Variants in PDE11A observed in about 807,000 individuals in gnomAD.
The protein encoded by PDE11A is dual 3',5'-cyclic-AMP and -GMP phosphodiesterase 11A.
Under a neutral mutation model 100.5 loss-of-function variants are expected in PDE11A, and 100 were observed. The observed-to-expected ratio is 1.00, with a 90% CI of 0.85 to 1.18. The LOEUF is 1.18. Among genes scored for constraint, PDE11A ranks in the 50% most tolerant of loss-of-function variants. PDE11A has a pLI of 0.00. For missense variants in PDE11A, 1,141 were observed against 1,152.6 expected (o/e 0.99, Z 0.15); for synonymous variants, 381 against 420.8 (o/e 0.91, Z 1.16).
chr2:177,738,130 C>T (rs950636494), intron 10 of PDE11A, among the ~76,000 whole-genome samples: 4 of 80,206 alleles, frequency 5.0e-5, no homozygotes, highest in Non-Finnish European at 7.0e-5. Context: ...TGTGTGAATC[C>T]GGTGCTCCAT....
intron 1 of PDE11A, among the ~76,000 whole-genome samples, chr2:178,041,010 G>A (rs2105848965): frequency 6.6e-6 from 1 of 152,140 alleles, no homozygotes. Context: ...CTCAATCATA[G>A]CTCACTGCAA....
chr2:178,076,449 T>C (rs1035980594), upstream of PDE11A, among the ~76,000 whole-genome samples: 1 of 152,220 alleles, frequency 6.6e-6, no homozygotes, highest in Admixed American at 6.5e-5. Context: ...TCTAGTACTA[T>C]GCTTTCCACA....
intron 9 of PDE11A, among the ~76,000 whole-genome samples, chr2:177,778,643 A>G (rs1188174852): frequency 1.3e-5 from 2 of 152,236 alleles, no homozygotes; most frequent in Admixed American, 1.3e-4. Context: ...AAACTAAGAA[A>G]GATGACAAAC....
At chr2:177,829,946 T>C (rs1364030235) in intron 6 of PDE11A, among the ~76,000 whole-genome samples, 1 of 152,294 alleles carries the variant, frequency 6.6e-6, no homozygotes, top group East Asian at 1.9e-4. Flanking sequence ...TGAGATTATA[T>C]AAGCCACTCC....
intron 13 of PDE11A, among the ~76,000 whole-genome samples, chr2:177,711,355 G>C (rs764764605): frequency 6.6e-6 from 1 of 152,188 alleles, no homozygotes; most frequent in Non-Finnish European, 1.5e-5. Context: ...TCCTGGAAGA[G>C]ACTCTGTTGG....
intron 9 of PDE11A, among the ~76,000 whole-genome samples, chr2:177,800,425 C>A (rs1326066846): frequency 1.3e-5 from 2 of 152,130 alleles, no homozygotes; most frequent in African/African-American, 4.8e-5. Flanking sequence ...CCCACCTTGA[C>A]CTCCCAAAGT....
At chr2:177,867,913 T>C (rs777965139) in intron 5 of PDE11A, among the ~76,000 whole-genome samples, 1 of 152,180 alleles carries the variant, frequency 6.6e-6, no homozygotes, top group Admixed American at 6.5e-5. Context: ...TCTCGAGTCT[T>C]GCTAAGAGCT....
At chr2:177,858,729 A>G (rs1232938897) in intron 5 of PDE11A, among the ~76,000 whole-genome samples, 3 of 152,222 alleles carry the variant, frequency 2.0e-5, no homozygotes, top group Non-Finnish European at 4.4e-5. Flanking sequence ...CATTTGACCC[A>G]GCCATCCCAT....
At chr2:177,759,798 T>C (rs2082144394) in intron 10 of PDE11A, among the ~76,000 whole-genome samples, 2 of 152,102 alleles carry the variant, frequency 1.3e-5, no homozygotes, top group Admixed American at 1.3e-4. Flanking sequence ...ACAACCACAA[T>C]ACAAAAAGAA....
At chr2:177,983,170 T>G (rs2085903022) in intron 2 of PDE11A, among the ~76,000 whole-genome samples, 1 of 139,222 alleles carries the variant, frequency 7.2e-6, no homozygotes, top group Non-Finnish European at 1.7e-5. Context: ...AGAGATTTAT[T>G]TCTAAATTTA....
chr2:178,007,397 GT>G (rs551205152), intron 2 of PDE11A, among the ~76,000 whole-genome samples: 20 of 152,256 alleles, frequency 1.3e-4, no homozygotes, highest in Admixed American at 3.9e-4. Flanking sequence ...AATCTTGGTT[GT>G]TTTTGAACCA....
chr2:178,009,594 G>A (rs1024955231), intron 2 of PDE11A, among the ~76,000 whole-genome samples: 9 of 152,142 alleles, frequency 5.9e-5, no homozygotes, highest in Non-Finnish European at 1.3e-4. Context: ...AAAATTTCCT[G>A]CATTGGATGA....
intron 4 of PDE11A, among the ~76,000 whole-genome samples, chr2:177,881,474 C>A (rs1229319019): frequency 1.3e-5 from 2 of 152,072 alleles, no homozygotes; most frequent in Non-Finnish European, 2.9e-5. Flanking sequence ...ATTTAAAGTG[C>A]AAGGTGAGTT....
chr2:177,823,089 G>C (rs1406671725), intron 6 of PDE11A, among the ~76,000 whole-genome samples: 1 of 152,006 alleles, frequency 6.6e-6, no homozygotes, highest in Non-Finnish European at 1.5e-5. Context: ...TTTGTTAATA[G>C]AGTGAATTAG....
At chr2:177,636,905 A>G (rs2080046848) in intron 19 of PDE11A, among the ~76,000 whole-genome samples, 1 of 152,198 alleles carries the variant, frequency 6.6e-6, no homozygotes, top group Non-Finnish European at 1.5e-5. Flanking sequence ...CAGGTCTTCA[A>G]TGAACTCAGC....
chr2:177,759,458 A>ACTTTATCACCTGACAAGTG (rs1290028052), intron 10 of PDE11A, among the ~76,000 whole-genome samples: 1 of 152,162 alleles, frequency 6.6e-6, no homozygotes, highest in Non-Finnish European at 1.5e-5. Flanking sequence ...TAAACATAAG[A>ACTTTATCACCTGACAAGTG]CTTTATCACC....
chr2:177,698,176 AT>A (rs1233434614), intron 14 of PDE11A, among the ~76,000 whole-genome samples: 1 of 152,202 alleles, frequency 6.6e-6, no homozygotes, highest in Non-Finnish European at 1.5e-5. Context: ...GTGAATATGA[AT>A]AATTCTGAAT....
chr2:178,070,748 T>A (rs1180185352), intron 1 of PDE11A, among the ~76,000 whole-genome samples: 1 of 152,224 alleles, frequency 6.6e-6, no homozygotes, highest in African/African-American at 2.4e-5. Flanking sequence ...TTTACCCTGC[T>A]GATGGCTTTG....
chr2:178,000,603 A>G (rs886489296), intron 2 of PDE11A, among the ~76,000 whole-genome samples: 1 of 152,236 alleles, frequency 6.6e-6, no homozygotes, highest in Non-Finnish European at 1.5e-5. Flanking sequence ...TGTCAGTAAA[A>G]GCACAAAATT....
Sources: gnomAD v4.1 joint callset for allele counts (sites outside exome capture counted in the v4.1 genomes callset) on GRCh38, gnomAD v4.1.1 for gene constraint, MANE v1.5 for transcripts, NCBI Gene and HGNC (gene_info 2026-07-23, HGNC 2026-07-21) for gene names.